PTK2B: variants seen among roughly 807,000 people sequenced by gnomAD.
The protein encoded by PTK2B is protein tyrosine kinase 2 beta.
In PTK2B, 71 loss-of-function variants were observed where a neutral mutation model predicts 142.9. The observed-to-expected ratio is 0.50, with a 90% CI of 0.41 to 0.61. PTK2B has a LOEUF of 0.61. Ranked by LOEUF, PTK2B falls within the 20% of genes least tolerant of loss-of-function variation. The probability of loss-of-function intolerance (pLI) is 0.00; values close to 1 mark genes in which losing one functional copy is unlikely to be tolerated. For synonymous variants in PTK2B, 519 were observed against 503.4 expected, an observed-to-expected ratio of 1.03 and a Z score of -0.42; for missense variants, 1,105 against 1,320.4, an observed-to-expected ratio of 0.84 and a Z score of 2.53.
chr8:27,458,749 G>A lies in PTK2B; in HGVS notation c.*240G>A. ...GACGGTGACAAAGATGGCTCAGAGG[G>A]GGACTGCTGCTGCCTGGCCACTGCT... is the stretch of plus-strand genomic sequence containing the variant. On this transcript the variant is annotated 3_prime_UTR_variant, in exon 31 of 31. Transcript: ENST00000346049. 1 of 570,194 alleles carries A rather than the reference G, an allele frequency of 1.8e-6. No individual in the cohort carries two copies. The highest frequency in any genetic ancestry group is 3.1e-6 in the Non-Finnish European group (1 of 318,198). 35.3% of individuals were successfully genotyped at this position (570,194 alleles called of 1,614,324 possible). A position where few individuals can be genotyped will look rare whatever the true frequency, so the allele number is the denominator to read the frequency against.
At chr8:27,366,653 C>T (rs1806034548) in intron 1 of PTK2B, among the ~76,000 whole-genome samples, 1 of 152,190 alleles carries the variant, frequency 6.6e-6, no homozygotes, top group Non-Finnish European at 1.5e-5. Flanking sequence ...TCAGTCTTTA[C>T]AATATGCAAA....
At chr8:27,327,666 A>G (rs1803499967) in intron 1 of PTK2B, among the ~76,000 whole-genome samples, 1 of 152,214 alleles carries the variant, frequency 6.6e-6, no homozygotes, top group African/African-American at 2.4e-5. Flanking sequence ...TTTAAAAAAC[A>G]AAAAATCAAT....
At chr8:27,335,246 C>T (rs568635475) in intron 1 of PTK2B, among the ~76,000 whole-genome samples, 40 of 152,326 alleles carry the variant, frequency 2.6e-4, no homozygotes, top group Non-Finnish European at 4.0e-4. Flanking sequence ...TCTGCATTGT[C>T]ACCAGTGCAG....
intron 30 of PTK2B, 70 bp downstream of exon 30, chr8:27,454,681 T>C: frequency 6.6e-7 from 1 of 1,521,834 alleles, no homozygotes; most frequent in Non-Finnish European, 9.1e-7. Flanking sequence ...CATTAGAGGC[T>C]CATGATGGCT....
At chr8:27,443,315 C>G (rs1379039643) in intron 22 of PTK2B, among the ~76,000 whole-genome samples, 1 of 152,198 alleles carries the variant, frequency 6.6e-6, no homozygotes. Flanking sequence ...CTTTTAGGTC[C>G]AGTCCCTACA....
Position 27,450,944 on chromosome 8 carries a change from C to T in PTK2B, c.2487+49C>T, listed in dbSNP as rs1811766447. ...GGTGCCCTGCACCCATCTGTGTCCT[C>T]TTCCACCTCCCCAGGTGGCTGGGGC... On this transcript the variant is annotated intron_variant, in intron 25 of 30. Transcript: ENST00000346049. 6.2e-6 allele frequency: 10 copies of T among 1,613,806 alleles called. 1 individual carries two copies. The Admixed American group carries it at 1.0e-4, about 16-fold the overall frequency.
intron 1 of PTK2B, among the ~76,000 whole-genome samples, chr8:27,348,595 C>T (rs1804855282): frequency 6.6e-6 from 1 of 152,176 alleles, no homozygotes; most frequent in Non-Finnish European, 1.5e-5. Context: ...CCCTGGTTCT[C>T]TTTGCAGCTA....
At chr8:27,426,909 A>G (rs189866586) in intron 5 of PTK2B, among the ~76,000 whole-genome samples, 1 of 152,328 alleles carries the variant, frequency 6.6e-6, no homozygotes, top group Admixed American at 6.5e-5. Flanking sequence ...CCTTTCATTT[A>G]GCTAACCCTG....
chr8:27,366,732 A>G (rs1806039243), intron 1 of PTK2B, among the ~76,000 whole-genome samples: 1 of 152,172 alleles, frequency 6.6e-6, no homozygotes, highest in African/African-American at 2.4e-5. Flanking sequence ...CTGAGCACAC[A>G]CAACAGAGGC....
intron 1 of PTK2B, among the ~76,000 whole-genome samples, chr8:27,354,388 G>A (rs1261839145): frequency 6.6e-6 from 1 of 152,032 alleles, no homozygotes; most frequent in African/African-American, 2.4e-5. Flanking sequence ...GTTCTGTGAT[G>A]AGCCGTCTCC....
chr8:27,440,467 C>T, intron 21 of PTK2B, 26 bp downstream of exon 21: 3 of 1,609,126 alleles, frequency 1.9e-6, no homozygotes, highest in Non-Finnish European at 2.5e-6. Flanking sequence ...GGGCTGTGGG[C>T]TGGGGGCCCA....
intron 30 of PTK2B, among the ~76,000 whole-genome samples, chr8:27,456,946 G>A (rs1431437780): frequency 6.6e-6 from 1 of 152,218 alleles, no homozygotes; most frequent in East Asian, 1.9e-4. Context: ...AAAGTTGGAA[G>A]CTAGCAGAGG....
Position 27,445,794 on chromosome 8 carries a change from G to A in PTK2B, c.2215G>A (p.Val739Ile), listed in dbSNP as rs760981859. 2 of 1,613,386 alleles carry A rather than the reference G, an allele frequency of 1.2e-6. No homozygotes were observed. Among genetic ancestry groups the A allele is most frequent in the African/African-American group, 1.3e-5 (1 of 74,854 alleles). ...NLLAPKLQFQ[V>I]PEGLCASSPT... The stretch of plus-strand genomic sequence containing the variant: ...GTGCTTCTTTGCTTTTCCTGAATAG[G>A]TTCCTGAGGGTCTGTGTGCCAGCTC... Residue 739 changes from valine to isoleucine, a missense_variant and splice_region_variant, in exon 24 of 31, where the codon GTT becomes ATT. Transcript: ENST00000346049.
chr8:27,451,672 T>G (rs956640127), intron 27 of PTK2B, 163 bp downstream of exon 27: 79 of 1,476,774 alleles, frequency 5.3e-5, no homozygotes, highest in Non-Finnish European at 6.4e-5. Flanking sequence ...CAGCTTCCCC[T>G]CCGCTCCCTC....
At chr8:27,312,834 G>A (rs1346016524) in intron 2 of PTK2B, among the ~76,000 whole-genome samples, 1 of 152,254 alleles carries the variant, frequency 6.6e-6, no homozygotes, top group Non-Finnish European at 1.5e-5. Context: ...GACCTACCTT[G>A]TTTGACTGTA....
chr8:27,429,393 C>T (rs1810272317), intron 5 of PTK2B, among the ~76,000 whole-genome samples: 1 of 152,176 alleles, frequency 6.6e-6, no homozygotes, highest in Admixed American at 6.5e-5. Flanking sequence ...ATGTCTGCAA[C>T]AGTCAATGAA....
chr8:27,317,617 G>GA (rs1483751494), intron 3 of PTK2B, among the ~76,000 whole-genome samples: 3 of 151,898 alleles, frequency 2.0e-5, no homozygotes, highest in Non-Finnish European at 4.4e-5. Flanking sequence ...TTTGCGTTTT[G>GA]AAAAAAGGAG....
intron 1 of PTK2B, among the ~76,000 whole-genome samples, chr8:27,362,541 T>C (rs1230407354): frequency 6.6e-6 from 1 of 152,088 alleles, no homozygotes; most frequent in Non-Finnish European, 1.5e-5. Context: ...CCTCTGACAC[T>C]ACTCATCCTC....
At chr8:27,316,916 T>A (rs1586068532) in intron 3 of PTK2B, among the ~76,000 whole-genome samples, 1 of 152,206 alleles carries the variant, frequency 6.6e-6, no homozygotes, top group East Asian at 1.9e-4. Context: ...TACATATAGA[T>A]AAAATGCAAC....
Sources: gnomAD v4.1 joint callset for allele counts (sites outside exome capture counted in the v4.1 genomes callset) on GRCh38, gnomAD v4.1.1 for gene constraint, MANE v1.5 for transcripts, NCBI Gene and HGNC (gene_info 2026-07-23, HGNC 2026-07-21) for gene names.